The following RASSF5 variants were observed in gnomAD, a reference collection of about 807,000 sequenced individuals.
RASSF5 encodes the protein ras association domain-containing protein 5.
In RASSF5, 25 loss-of-function variants were observed where a neutral mutation model predicts 40.5. The ratio of observed to expected loss-of-function variants is 0.62; its 90% CI spans 0.45 to 0.86. RASSF5 has a LOEUF of 0.86. RASSF5 is among the 40% of genes least tolerant of loss of function. The pLI, the probability that RASSF5 is intolerant of heterozygous loss-of-function variation, is 0.00. For synonymous variants in RASSF5, 246 were observed against 252.4 expected, an observed-to-expected ratio of 0.97 and a Z score of 0.24; for missense variants, 521 against 572.8, an observed-to-expected ratio of 0.91 and a Z score of 0.92.
intron 1 of RASSF5, among the ~76,000 whole-genome samples, chr1:206,530,422 G>C (rs887300088): frequency 2.0e-5 from 3 of 152,062 alleles, no homozygotes; most frequent in Non-Finnish European, 4.4e-5. Flanking sequence ...GGATGTGGGG[G>C]TATTGCTAGC....
intron 2 of RASSF5, among the ~76,000 whole-genome samples, chr1:206,564,633 A>G (rs868994184): frequency 3.9e-5 from 6 of 152,104 alleles, no homozygotes; most frequent in African/African-American, 1.2e-4. Flanking sequence ...TCTGCTCTTC[A>G]CTTACCAGGT....
Position 206,507,781 on chromosome 1 carries a change from G to A in RASSF5, c.179G>A (p.Arg60His). Reference protein sequence around the residue: ...LSTAPGAREGRSARRAARGNL... With the variant: ...LSTAPGAREGHSARRAARGNL... ...ACTGCGCCCGGGGCGCGCGAGGGGC[G>A]CAGCGCCCGGAGGGCTGCCCGGGGG... The change falls in exon 1 of 6, where the codon CGC becomes CAC. Residue 60 changes from arginine (R) to histidine (H), a missense_variant. By Grantham distance (29) the Arg-to-His change is conservative. Coordinates refer to ENST00000579436, the MANE Select transcript of RASSF5 (RefSeq NM_182663.4). 1.4e-6 allele frequency: 2 copies of A among 1,390,936 alleles called. No individual in the cohort carries two copies. Among genetic ancestry groups the A allele is most frequent in the South Asian group, 1.6e-5 (1 of 61,762 alleles). 86.2% of individuals were successfully genotyped at this position (1,390,936 alleles called of 1,614,324 possible).
chr1:206,576,805 G>T (rs1474895847), intron 2 of RASSF5, among the ~76,000 whole-genome samples: 1 of 152,038 alleles, frequency 6.6e-6, no homozygotes, highest in Non-Finnish European at 1.5e-5. Context: ...CATAAATAAA[G>T]TTTGTTTTGT....
In RASSF5 at chr1:206,513,969, C is replaced by T. The variant is rs1463677347; in HGVS notation, c.457+5910C>T. Reference sequence around the variant, plus strand: ...AGTGACTTTTGAGTTTTTTCTGAAGCACTCATAACTATGCTGAGGAGACTT... The same window carrying T: ...AGTGACTTTTGAGTTTTTTCTGAAGTACTCATAACTATGCTGAGGAGACTT... On this transcript the variant is annotated intron_variant, in intron 1 of 5. Transcript: ENST00000579436. This position sits in a 1 kb window ranked among gnomAD's most constrained non-coding sequence, Gnocchi z 5.0. Among the ~76,000 whole-genome samples the T allele has an allele frequency of 6.6e-6, 1 of 152,198 alleles. No individual in the cohort carries two copies.
chr1:206,551,812 G>A (rs1553401072), intron 2 of RASSF5, among the ~76,000 whole-genome samples: 1 of 152,234 alleles, frequency 6.6e-6, no homozygotes, highest in African/African-American at 2.4e-5. Flanking sequence ...CGAGAGGCAA[G>A]ACCCTCCTTG....
chr1:206,568,857 G>A (rs781988916), intron 2 of RASSF5, among the ~76,000 whole-genome samples: 7 of 152,256 alleles, frequency 4.6e-5, no homozygotes, highest in Non-Finnish European at 8.8e-5. Context: ...GGGCAAGGAT[G>A]TGATTTGGAG....
intron 2 of RASSF5, among the ~76,000 whole-genome samples, chr1:206,561,879 G>C (rs1668157539): frequency 6.6e-6 from 1 of 150,578 alleles, no homozygotes; most frequent in Admixed American, 6.6e-5. Context: ...CACAATGTTG[G>C]CCAGGTCTTG....
In RASSF5 at chr1:206,573,325, T is replaced by C. The variant is rs182458871; in HGVS notation, c.580-9944T>C. On this transcript the variant is annotated intron_variant, in intron 2 of 5. Coordinates refer to ENST00000579436, the MANE Select transcript of RASSF5 (RefSeq NM_182663.4). ...TTATAGATGAAGAAACTGAGGCATA[T>C]AGATTTTCTGACTTTCTCAAGACCA... is the stretch of plus-strand genomic sequence containing the variant. Among the ~76,000 whole-genome samples, 294 of 152,312 alleles carry C rather than the reference T, an allele frequency of 1.9e-3. 2 individuals are homozygous for C. The highest frequency in any genetic ancestry group is 1.8e-3 in the Non-Finnish European group (124 of 68,026).
chr1:206,537,598 C>T (rs782261829), intron 1 of RASSF5, among the ~76,000 whole-genome samples: 25 of 152,158 alleles, frequency 1.6e-4, no homozygotes, highest in Non-Finnish European at 3.1e-4. Flanking sequence ...ATGTATGATA[C>T]CAGTCAAGCA....
At chr1:206,547,747 G>A (rs1667734882) in intron 2 of RASSF5, among the ~76,000 whole-genome samples, 1 of 152,090 alleles carries the variant, frequency 6.6e-6, no homozygotes, top group African/African-American at 2.4e-5. Flanking sequence ...GGGGACCACT[G>A]CTATAAGCCC....
At chr1:206,577,589 T>C (rs1179374418) in intron 2 of RASSF5, among the ~76,000 whole-genome samples, 1 of 152,182 alleles carries the variant, frequency 6.6e-6, no homozygotes, top group East Asian at 1.9e-4. Flanking sequence ...CAACACACAC[T>C]TGTGTTCATC....
At chr1:206,521,696 A>G (rs1476082876) in intron 1 of RASSF5, among the ~76,000 whole-genome samples, 1 of 152,154 alleles carries the variant, frequency 6.6e-6, no homozygotes, top group Non-Finnish European at 1.5e-5. Flanking sequence ...AAAAACAGAA[A>G]CACAAGCAAA....
chr1:206,582,824 GTGT>G (rs1239494007), intron 2 of RASSF5, among the ~76,000 whole-genome samples: 3 of 152,200 alleles, frequency 2.0e-5, no homozygotes, highest in Non-Finnish European at 4.4e-5. Context: ...CCCTCCAGCT[GTGT>G]TGTTACTTCC....
At chr1:206,553,329 G>T (rs1667896501) in intron 2 of RASSF5, among the ~76,000 whole-genome samples, 1 of 152,152 alleles carries the variant, frequency 6.6e-6, no homozygotes, top group Admixed American at 6.5e-5. Context: ...AAGTTGTTAT[G>T]GTACCATGAT....
intron 1 of RASSF5, among the ~76,000 whole-genome samples, chr1:206,517,017 A>G (rs1553395517): frequency 6.6e-6 from 1 of 152,196 alleles, no homozygotes; most frequent in African/African-American, 2.4e-5. Context: ...GGCCACAACA[A>G]AGGCCATGGG....
chr1:206,545,501 C>T (rs1043867365), intron 2 of RASSF5, among the ~76,000 whole-genome samples: 4 of 128,942 alleles, frequency 3.1e-5, no homozygotes, highest in African/African-American at 9.1e-5. Context: ...GCCACCATGC[C>T]TGAATATTTT....
rs1010384731 is a variant in RASSF5 at position 206,579,037 on chromosome 1, G to A, written c.580-4232G>A. On this transcript the variant is annotated intron_variant, in intron 2 of 5. Coordinates refer to ENST00000579436, the MANE Select transcript of RASSF5 (RefSeq NM_182663.4). This position sits in a 1 kb window ranked among gnomAD's most constrained non-coding sequence, Gnocchi z 4.2. ...CATTAGAGAATCACTCAGGGTCGGG[G>A]TGTCGCTGTGAACCCCTAGCACCCA... Among the ~76,000 whole-genome samples the A allele has an allele frequency of 2.0e-5, 3 of 152,166 alleles. No homozygotes were observed. Among genetic ancestry groups the A allele is most frequent in the Non-Finnish European group, 4.4e-5 (3 of 68,026 alleles).
chr1:206,532,788 C>CT (rs1558502413), intron 1 of RASSF5, among the ~76,000 whole-genome samples: 2 of 152,194 alleles, frequency 1.3e-5, no homozygotes, highest in Non-Finnish European at 2.9e-5. Context: ...TTGGCCTGGG[C>CT]TGGAGGAGGG....
At chr1:206,529,135 C>A in intron 1 of RASSF5, 2 of 1,508,894 alleles carry the variant, frequency 1.3e-6, no homozygotes, top group South Asian at 2.5e-5. Context: ...CTGAAAGTGC[C>A]TCCTGCGATT....
Sources: gnomAD v4.1 joint callset for allele counts (sites outside exome capture counted in the v4.1 genomes callset) on GRCh38, gnomAD v4.1.1 for gene constraint, Gnocchi (gnomAD v3.1) non-coding constraint, MANE v1.5 for transcripts, NCBI Gene and HGNC (gene_info 2026-07-23, HGNC 2026-07-21) for gene names.